Variants in DNAAF6 observed in about 807,000 individuals in gnomAD.
DNAAF6 encodes the protein dynein axonemal assembly factor 6, also known as PIH1 domain containing 3.
Under a neutral mutation model 13.7 loss-of-function variants are expected in DNAAF6, and 3 were observed. The ratio of observed to expected loss-of-function variants is 0.22; its 90% confidence interval spans 0.10 to 0.56. The LOEUF is 0.56. DNAAF6 is among the 20% of genes least tolerant of loss of function. DNAAF6 has a pLI of 0.92. For synonymous variants in DNAAF6, 54 were observed against 49.2 expected (o/e 1.10, Z -0.41); for missense variants, 130 against 151.0 (o/e 0.86, Z 0.73).
rs146311798 is a variant in DNAAF6 at position 107,230,908 on chromosome X, C to T, written c.430-8014C>T. Among the ~76,000 whole-genome samples the T allele has an allele frequency of 6.6e-3, 737 of 111,523 alleles. 6 individuals carry two copies. The highest frequency in any genetic ancestry group is 0.022 in the African/African-American group (689 of 30,751). ...TCCTTCAATATGCCAAGTTATTTCC[C>T]GATTCCTTGTTATTCATTCCACCTG... On this transcript the variant is annotated intron_variant, in intron 5 of 6. Coordinates refer to ENST00000372453, the MANE Select transcript of DNAAF6 (RefSeq NM_173494.2).
Position 107,218,880 on chromosome X carries a change from C to T in DNAAF6, c.243C>T (p.Ser81=), listed in dbSNP as rs746700360. The T allele has an allele frequency of 2.4e-5, 28 of 1,188,405 alleles. No individual in the cohort carries two copies. Among genetic ancestry groups the T allele is most frequent in the Middle Eastern group, 2.3e-4 (1 of 4,326 alleles). ...TCTTCACAGTCATCCCTGAAACCAG[C>T]GAGGAAAATAATGAGGACATCTGGA... ...IEELKVIPET[S]EENNEDIWNS... is the part of the protein sequence containing the mutation. Residue 81 remains serine, a synonymous_variant, in exon 4 of 7, where the codon AGC becomes AGT. Transcript: ENST00000372453.
intron 3 of DNAAF6, 85 bp downstream of exon 3, chrX:107,216,828 T>G: frequency 1.7e-6 from 1 of 598,489 alleles, no homozygotes; most frequent in Non-Finnish European, 2.5e-6. Context: ...GTACTAATAC[T>G]AGTATTTATT....
chrX:107,216,695 G>A lies in DNAAF6; in HGVS notation c.178G>A (p.Ala60Thr). 1.7e-6 allele frequency: 2 copies of A among 1,201,801 alleles called. No individual in the cohort carries two copies. Among genetic ancestry groups the A allele is most frequent in the Non-Finnish European group, 2.2e-6 (2 of 889,209 alleles). Reference protein sequence around the residue: ...GQTNGLSTIGAMGPGNIGPPQ... With the variant: ...GQTNGLSTIGTMGPGNIGPPQ... ...GACAAATGGTTTATCTACTATTGGA[G>A]CCATGGGTCCTGGGAATATTGGACC... is the stretch of plus-strand genomic sequence containing the variant. The change falls in exon 3 of 7, where the codon GCC (alanine) becomes ACC (threonine). Residue 60 changes from alanine to threonine, a missense_variant. Transcript: ENST00000372453.
chrX:107,238,821 T>C (rs1466532401), intron 5 of DNAAF6, 101 bp from the exon 6 acceptor site: 1 of 1,122,536 alleles, frequency 8.9e-7, no homozygotes, highest in African/African-American at 1.9e-5. Context: ...TGGCACATAG[T>C]TGACAATAAA....
rs1269670210 is a variant in DNAAF6, at chrX:107,243,264, T to C, written c.611T>C (p.Met204Thr). The C allele has an allele frequency of 1.7e-6, 2 of 1,206,531 alleles. No individual in the cohort carries two copies. The highest frequency in any genetic ancestry group is 2.2e-6 in the Non-Finnish European group (2 of 894,193). The stretch of plus-strand genomic sequence containing the variant: ...GAAACTCTTGAAATCACTATGACTA[T>C]GAAAAGAGAGTTAGATATTGCTAAT... ...ETETLEITMT[M>T]KRELDIANFF Residue 204 changes from methionine (M) to threonine (T), a missense_variant, in exon 7 of 7, where the codon ATG (methionine) becomes ACG (threonine). Coordinates refer to ENST00000372453, the MANE Select transcript of DNAAF6 (RefSeq NM_173494.2).
Position 107,242,340 on chromosome X carries a change from C to T in DNAAF6, c.516-829C>T, listed in dbSNP as rs142457537. On this transcript the variant is annotated intron_variant, in intron 6 of 6. Coordinates refer to ENST00000372453, the MANE Select transcript of DNAAF6 (RefSeq NM_173494.2). ...CTCAATTCAAGAACCCAATAAGTGCCCCTAAAAATACCATATTCCTTTACT... is the reference window on the plus strand; with the variant it reads ...CTCAATTCAAGAACCCAATAAGTGCTCCTAAAAATACCATATTCCTTTACT... Among the ~76,000 whole-genome samples the T allele has an allele frequency of 6.5e-3, 724 of 112,002 alleles. 3 individuals are homozygous for T. Among genetic ancestry groups the T allele is most frequent in the Non-Finnish European group, 0.011 (603 of 53,097 alleles).
chrX:107,227,479 G>A (rs1185907474), intron 5 of DNAAF6, among the ~76,000 whole-genome samples: 1 of 110,402 alleles, frequency 9.1e-6, no homozygotes, highest in Non-Finnish European at 1.9e-5. Flanking sequence ...TCTAGAGGAT[G>A]GACCTAGTTT....
At chrX:107,229,127 CTTTTTTTT>C (rs768372176) in intron 5 of DNAAF6, among the ~76,000 whole-genome samples, 7 of 51,596 alleles carry the variant, frequency 1.4e-4, no homozygotes, top group Non-Finnish European at 1.9e-4. Flanking sequence ...GTTGACTACT[CTTTTTTTT>C]TTTTTTTTTT....
intron 5 of DNAAF6, among the ~76,000 whole-genome samples, chrX:107,225,440 T>TTA (rs768610600): frequency 9.0e-6 from 1 of 111,551 alleles, no homozygotes; most frequent in African/African-American, 3.2e-5. Context: ...TAATGCCATA[T>TTA]TATACCACCA....
At chrX:107,219,666 G>A (rs2147829517) in intron 4 of DNAAF6, among the ~76,000 whole-genome samples, 1 of 111,225 alleles carries the variant, frequency 9.0e-6, no homozygotes, top group East Asian at 2.8e-4. Context: ...AATAAAATTT[G>A]GATTGACTAT....
chrX:107,240,492 C>T (rs766926964), intron 6 of DNAAF6, among the ~76,000 whole-genome samples: 5 of 111,570 alleles, frequency 4.5e-5, no homozygotes, highest in South Asian at 7.5e-4. Context: ...CATCATATAA[C>T]GCTATGTTTA....
Position 107,221,602 on chromosome X carries a change from A to G in DNAAF6, c.333-1143A>G, listed in dbSNP as rs148715121. Among the ~76,000 whole-genome samples the G allele has an allele frequency of 9.3e-3, 1,037 of 111,522 alleles. 12 individuals are homozygous for G. Among genetic ancestry groups the G allele is most frequent in the African/African-American group, 0.032 (991 of 30,705 alleles). ...CAAACCTTTGTAGTAGACAGTTGGA[A>G]AATTGCGTCTGGAGCTCAGGATAAG... On this transcript the variant is annotated intron_variant, in intron 4 of 6. Transcript: ENST00000372453.
chrX:107,224,848 A>G (rs936433300), intron 5 of DNAAF6, among the ~76,000 whole-genome samples: 1 of 109,781 alleles, frequency 9.1e-6, no homozygotes, highest in Admixed American at 9.9e-5. Flanking sequence ...TGATGTAATT[A>G]TTATACACTG....
intron 5 of DNAAF6, among the ~76,000 whole-genome samples, chrX:107,228,085 A>G (rs1928295820): frequency 8.9e-6 from 1 of 112,022 alleles, no homozygotes; most frequent in Non-Finnish European, 1.9e-5. Context: ...GCAGATTCAC[A>G]GATTGACCTT....
At chrX:107,222,312 C>T (rs1041758351) in intron 4 of DNAAF6, among the ~76,000 whole-genome samples, 3 of 111,735 alleles carry the variant, frequency 2.7e-5, no homozygotes, top group Non-Finnish European at 5.6e-5. Context: ...AGTACTAAAC[C>T]TGAATTTTCT....
At position 107,222,848 on chromosome X, in the gene DNAAF6, C is replaced by T. The variant is rs370962888; in HGVS notation, c.429+7C>T. ...TTGTTGCAGTGAACTAGTGGTAAGCCTCTCCTCCCCTTCTTCATTTTCTAT... is the reference window on the plus strand; with the variant it reads ...TTGTTGCAGTGAACTAGTGGTAAGCTTCTCCTCCCCTTCTTCATTTTCTAT... On this transcript the variant is annotated splice_region_variant and intron_variant, in intron 5 of 6. Coordinates refer to ENST00000372453, the MANE Select transcript of DNAAF6 (RefSeq NM_173494.2). 6.8e-5 allele frequency: 81 copies of T among 1,188,456 alleles called. No homozygotes were observed. The highest frequency in any genetic ancestry group is 1.4e-5 in the Non-Finnish European group (12 of 886,816).
chrX:107,222,597 A>G, intron 4 of DNAAF6, 148 bp from the exon 5 acceptor site: 2 of 610,194 alleles, frequency 3.3e-6, no homozygotes, highest in Non-Finnish European at 2.3e-6. Context: ...TTTATGTTCT[A>G]TTATATGCCT....
chrX:107,232,398 C>T (rs1474963446), intron 5 of DNAAF6, among the ~76,000 whole-genome samples: 1 of 109,597 alleles, frequency 9.1e-6, no homozygotes, highest in Non-Finnish European at 1.9e-5. Flanking sequence ...TTTAAAAATA[C>T]TTCATAGATG....
chrX:107,230,215 C>T (rs1045686977), intron 5 of DNAAF6, among the ~76,000 whole-genome samples: 7 of 111,913 alleles, frequency 6.3e-5, no homozygotes, highest in African/African-American at 2.3e-4. Context: ...GCTGTACCTT[C>T]AAAATATATT....
Sources: allele counts gnomAD v4.1 joint callset (sites outside exome capture counted in the v4.1 genomes callset), GRCh38; gene constraint gnomAD v4.1.1; transcripts MANE v1.5; gene names NCBI Gene and HGNC (gene_info 2026-07-23, HGNC 2026-07-21).